The following DYNC2H1 variants were observed in gnomAD, a reference collection of about 807,000 sequenced individuals.
DYNC2H1 encodes cytoplasmic dynein 2 heavy chain 1.
Under a neutral mutation model 570.0 loss-of-function variants are expected in DYNC2H1, and 410 were observed. That is an observed-to-expected ratio of 0.72 (90% CI 0.66 to 0.78). The LOEUF is 0.78. DYNC2H1 is among the 30% of genes least tolerant of loss of function. DYNC2H1 has a pLI of 0.00. For missense variants in DYNC2H1, 4,865 were observed against 5,046.4 expected, an observed-to-expected ratio of 0.96 and a Z score of 1.09; for synonymous variants, 1,688 against 1,677.6, an observed-to-expected ratio of 1.01 and a Z score of -0.15.
At chr11:103,366,814 G>C (rs1940930255) in intron 83 of DYNC2H1, among the ~76,000 whole-genome samples, 1 of 152,058 alleles carries the variant, frequency 6.6e-6, no homozygotes, top group Non-Finnish European at 1.5e-5. Context: ...TACTAATACA[G>C]ATTTTAAAGA....
rs757752270 is a variant in DYNC2H1, at chr11:103,303,264, A to G, written c.11256+11A>G. The G allele has an allele frequency of 1.9e-6, 3 of 1,607,384 alleles. No individual in the cohort carries two copies. The South Asian group carries it at 3.3e-5, about 18-fold the overall frequency. ...GAGTGTTATCACCAGGTAAGTACAT[A>G]TTGTCCCGCTGTTTTTGTTTTTGCT... On this transcript the variant is annotated intron_variant, in intron 76 of 88. Coordinates refer to ENST00000375735, the MANE Select transcript of DYNC2H1 (RefSeq NM_001377.3).
intron 31 of DYNC2H1, 67 bp from the exon 32 acceptor site, chr11:103,168,688 A>C: frequency 2.0e-6 from 3 of 1,487,570 alleles, no homozygotes; most frequent in Middle Eastern, 4.7e-4. Context: ...CTGTACACGT[A>C]ATCATAAATT....
At position 103,153,394 on chromosome 11, in the gene DYNC2H1, C is replaced by G. The variant is rs1287956697; in HGVS notation, c.3188C>G (p.Pro1063Arg). ...AAAGCTCGTTGGGACCAACTAAAGC[C>G]TGGTGATGATGTTATTGAAACTGGC... Reference protein sequence around the residue: ...KFKARWDQLKPGDDVIETGQH... With the variant: ...KFKARWDQLKRGDDVIETGQH... The change falls in exon 22 of 89, where the codon CCT (proline) becomes CGT (arginine). Residue 1063 changes from proline (P) to arginine (R), a missense_variant. This residue lies in a region of DYNC2H1 where 1,936 missense variants were observed against 1,962.1 expected (regional missense o/e 0.99). Coordinates refer to ENST00000375735, the MANE Select transcript of DYNC2H1 (RefSeq NM_001377.3). The G allele has an allele frequency of 5.1e-6, 8 of 1,555,766 alleles. No homozygotes were observed. In the Middle Eastern group the frequency reaches 6.7e-4, roughly 130 times the overall value.
At chr11:103,350,169 AT>A (rs1939976837) in intron 82 of DYNC2H1, among the ~76,000 whole-genome samples, 1 of 152,150 alleles carries the variant, frequency 6.6e-6, no homozygotes, top group African/African-American at 2.4e-5. Context: ...TTAAGGGGTG[AT>A]GAGAATATTG....
chr11:103,142,764 A>G (rs1490260986), intron 17 of DYNC2H1, among the ~76,000 whole-genome samples: 3 of 152,246 alleles, frequency 2.0e-5, no homozygotes, highest in Non-Finnish European at 2.9e-5. Flanking sequence ...TACTGAAATC[A>G]GGGCTATTTA....
At chr11:103,371,395 G>T (rs1170289428) in intron 83 of DYNC2H1, among the ~76,000 whole-genome samples, 1 of 152,114 alleles carries the variant, frequency 6.6e-6, no homozygotes, top group East Asian at 1.9e-4. Context: ...TATTCAAAAG[G>T]ATAATAACGA....
intron 47 of DYNC2H1, 73 bp from the exon 48 acceptor site, chr11:103,197,860 A>G: frequency 2.1e-6 from 3 of 1,458,596 alleles, no homozygotes; most frequent in Non-Finnish European, 1.9e-6. Flanking sequence ...AAAATGTTTT[A>G]GTAGGCAATG....
intron 26 of DYNC2H1, among the ~76,000 whole-genome samples, chr11:103,158,310 G>A (rs1286006726): frequency 3.3e-5 from 5 of 152,170 alleles, no homozygotes; most frequent in South Asian, 2.1e-4. Flanking sequence ...TTAGCTAGGC[G>A]CGGTGGCGGG....
chr11:103,213,468 C>T (rs1260756114), intron 54 of DYNC2H1, among the ~76,000 whole-genome samples: 1 of 150,310 alleles, frequency 6.7e-6, no homozygotes, highest in Non-Finnish European at 1.5e-5. Context: ...TTTTTTAAGT[C>T]TTATGGATTT....
chr11:103,273,753 G>T (rs1055841177), intron 70 of DYNC2H1, among the ~76,000 whole-genome samples: 1 of 152,090 alleles, frequency 6.6e-6, no homozygotes, highest in Admixed American at 6.6e-5. Flanking sequence ...ATCCTGGTTG[G>T]CCTGTCTGAG....
At chr11:103,329,554 G>A (rs763527326) in intron 82 of DYNC2H1, among the ~76,000 whole-genome samples, 1 of 152,140 alleles carries the variant, frequency 6.6e-6, no homozygotes, top group Non-Finnish European at 1.5e-5. Flanking sequence ...AAGGCAAAAT[G>A]TAAGTAATCT....
At chr11:103,162,193 A>T (rs528888097) in intron 29 of DYNC2H1, among the ~76,000 whole-genome samples, 5 of 146,940 alleles carry the variant, frequency 3.4e-5, no homozygotes, top group Non-Finnish European at 6.0e-5. Context: ...AGCAGAGTAG[A>T]TGTGTCTGTT....
At chr11:103,342,859 C>G (rs920318820) in intron 82 of DYNC2H1, among the ~76,000 whole-genome samples, 1 of 152,062 alleles carries the variant, frequency 6.6e-6, no homozygotes, top group African/African-American at 2.4e-5. Context: ...AGACCAGGAA[C>G]CCACTGGAAG....
chr11:103,422,625 T>A (rs1943526633), intron 84 of DYNC2H1, among the ~76,000 whole-genome samples: 1 of 152,120 alleles, frequency 6.6e-6, no homozygotes, highest in Non-Finnish European at 1.5e-5. Flanking sequence ...GAAGGCCTTC[T>A]GTAAAATTCA....
chr11:103,423,631 G>C (rs1029879034), intron 84 of DYNC2H1, among the ~76,000 whole-genome samples: 1 of 151,648 alleles, frequency 6.6e-6, no homozygotes, highest in Non-Finnish European at 1.5e-5. Flanking sequence ...CTCTTTAAAA[G>C]ACACTTATAA....
At chr11:103,470,636 A>G (rs976663848) in intron 88 of DYNC2H1, among the ~76,000 whole-genome samples, 15 of 152,014 alleles carry the variant, frequency 9.9e-5, no homozygotes, top group African/African-American at 1.5e-4. Flanking sequence ...TCATTGTTCA[A>G]TTCCCACCTA....
chr11:103,326,745 C>A lies in DYNC2H1; in HGVS notation c.12039+2755C>A, dbSNP rs1265674652. Among the ~76,000 whole-genome samples the A allele has an allele frequency of 9.2e-5, 14 of 152,212 alleles. No homozygotes were observed. The highest frequency in any genetic ancestry group is 9.2e-4 in the Admixed American group (14 of 15,288). On this transcript the variant is annotated intron_variant, in intron 82 of 88. Coordinates refer to ENST00000375735, the MANE Select transcript of DYNC2H1 (RefSeq NM_001377.3). This position sits in a 1 kb window ranked among gnomAD's most constrained non-coding sequence, Gnocchi z 6.1. ...AGGGGCTCGGCAGTGGGAAGGCCTG[C>A]AGAACAGATGTGCCCCAATCCTGTG...
intron 53 of DYNC2H1, among the ~76,000 whole-genome samples, chr11:103,210,900 T>G (rs1379585102): frequency 6.6e-6 from 1 of 152,082 alleles, no homozygotes; most frequent in Non-Finnish European, 1.5e-5. Context: ...TTGCAGGTGA[T>G]AGGGTATTAT....
intron 12 of DYNC2H1, among the ~76,000 whole-genome samples, chr11:103,126,601 A>T (rs1461646838): frequency 1.3e-5 from 2 of 151,534 alleles, no homozygotes; most frequent in Admixed American, 1.3e-4. Flanking sequence ...TGAAGCTGGG[A>T]TTTGATATCA....
Sources: allele counts gnomAD v4.1 joint callset (sites outside exome capture counted in the v4.1 genomes callset), GRCh38; gene constraint gnomAD v4.1.1; regional missense constraint gnomAD v4.1.1; non-coding constraint Gnocchi (gnomAD v3.1); transcripts MANE v1.5; gene names NCBI Gene and HGNC (gene_info 2026-07-23, HGNC 2026-07-21).